Variants in FOXB2 observed in about 807,000 individuals in gnomAD.
FOXB2 encodes forkhead box B2, also known as forkhead box protein B2.
A neutral mutation model predicts 0.9 loss-of-function variants in FOXB2; 1 was observed. The ratio of observed to expected loss-of-function variants is 1.09; its 90% confidence interval spans 0.39 to 5.18. The LOEUF (loss-of-function observed/expected upper bound fraction) is 5.18, where lower values mean the gene tolerates loss of function less well. FOXB2 is among the 30% of genes most tolerant of loss of function. FOXB2 has a pLI of 0.16. For missense variants in FOXB2, 670 were observed against 626.6 expected, an observed-to-expected ratio of 1.07 and a Z score of -0.74; for synonymous variants, 322 against 293.5, an observed-to-expected ratio of 1.10 and a Z score of -0.99.
Position 77,020,677 on chromosome 9 carries a change from T to G in FOXB2, c.1023T>G (p.Tyr341Ter), listed in dbSNP as rs756817448. 1 of 1,603,404 alleles carries G rather than the reference T, an allele frequency of 6.2e-7. No homozygotes were observed. Among genetic ancestry groups the G allele is most frequent in the Non-Finnish European group, 8.5e-7 (1 of 1,176,324 alleles). ...CCGGAGTCCCTGTAGGCCCGGAGTA[T>G]GGGGCCTTCGGGGTCCCGGTCAAGT... ...AAAGVPVGPE[Y>*]GAFGVPVKSL... is the part of the protein sequence containing the mutation. The change falls in exon 1 of 1, where the codon TAT (tyrosine) becomes TAG (stop). Residue 341 changes from tyrosine to a stop codon, truncating the protein, a stop_gained. Coordinates refer to ENST00000376708, the MANE Select transcript of FOXB2 (RefSeq NM_001013735.1). LOFTEE classifies it low-confidence loss of function (END_TRUNC). This position sits in a 1 kb window ranked among gnomAD's most constrained non-coding sequence, Gnocchi z 4.9.
Position 77,020,293 on chromosome 9 carries a change from C to T in FOXB2, c.639C>T (p.His213=), listed in dbSNP as rs779653133. The part of the protein sequence containing the change: ...PQQSQPQQPS[H]PGKMQEAAAV... ...AGTCGCAGCCTCAGCAGCCGTCTCACCCCGGCAAGATGCAGGAGGCGGCGG... is the reference window on the plus strand; with the variant it reads ...AGTCGCAGCCTCAGCAGCCGTCTCATCCCGGCAAGATGCAGGAGGCGGCGG... Residue 213 remains histidine (H), a synonymous_variant, in exon 1 of 1, where the codon CAC becomes CAT. Transcript: ENST00000376708. This position sits in a 1 kb window ranked among gnomAD's most constrained non-coding sequence, Gnocchi z 4.9. The T allele has an allele frequency of 8.4e-6, 12 of 1,434,408 alleles. No individual in the cohort carries two copies. The highest frequency in any genetic ancestry group is 1.2e-5 in the South Asian group (1 of 82,356). The allele number at this position is 1,434,408 out of a possible 1,614,324, so 88.9% of individuals were successfully genotyped here. A position where few individuals can be genotyped will look rare whatever the true frequency, so the allele number is the denominator to read the frequency against.
chr9:77,020,836 A>G lies in FOXB2; in HGVS notation c.1182A>G (p.Pro394=). The change falls in exon 1 of 1, where the codon CCA becomes CCG. Residue 394 remains proline, a synonymous_variant. Coordinates refer to ENST00000376708, the MANE Select transcript of FOXB2 (RefSeq NM_001013735.1). The surrounding 1 kb of genome is among the most constrained non-coding windows in gnomAD (Gnocchi z 4.9). ...VPAASQQPPA[P]STVCSAAAAS... is the part of the protein sequence containing the mutation. ...CGGCTTCGCAGCAGCCTCCGGCGCC[A>G]TCCACCGTGTGCTCCGCGGCCGCGG... The G allele has an allele frequency of 3.2e-6, 5 of 1,549,458 alleles. No individual in the cohort carries two copies. Among genetic ancestry groups the G allele is most frequent in the Non-Finnish European group, 4.3e-6 (5 of 1,154,098 alleles).
chr9:77,020,758 C>T lies in FOXB2; in HGVS notation c.1104C>T (p.Pro368=), dbSNP rs761281141. The change falls in exon 1 of 1, where the codon CCC becomes CCT. Residue 368 remains proline (P), a synonymous_variant. Transcript: ENST00000376708. The surrounding 1 kb of genome is among the most constrained non-coding windows in gnomAD (Gnocchi z 4.9). ...SLPAMPVPIK[P]TPALPPVSAL... ...CTGCCATGCCGGTGCCCATCAAGCC[C>T]ACGCCTGCGCTGCCGCCCGTGTCCG... 1.6e-5 allele frequency: 26 copies of T among 1,592,242 alleles called. No homozygotes were observed. Among genetic ancestry groups the T allele is most frequent in the Non-Finnish European group, 2.0e-5 (24 of 1,173,338 alleles).
rs776602113 is a variant in FOXB2, at chr9:77,020,634, C to T, written c.980C>T (p.Ala327Val). 87 of 1,592,938 alleles carry T rather than the reference C, an allele frequency of 5.5e-5. No homozygotes were observed. The highest frequency in any genetic ancestry group is 7.2e-5 in the Non-Finnish European group (84 of 1,172,506). Reference protein sequence around the residue: ...VGVMDSVAAAAAAAAAAGVPV... With the variant: ...VGVMDSVAAAVAAAAAAGVPV... ...GTCATGGATTCGGTGGCCGCCGCCG[C>T]GGCCGCCGCAGCCGCAGCCGGAGTC... Residue 327 changes from alanine to valine, a missense_variant, in exon 1 of 1, where the codon GCG (alanine) becomes GTG (valine). Physicochemically the swap from Ala to Val is moderately conservative, Grantham distance 64. Transcript: ENST00000376708. This position sits in a 1 kb window ranked among gnomAD's most constrained non-coding sequence, Gnocchi z 4.9.
chr9:77,020,372 C>A lies in FOXB2; in HGVS notation c.718C>A (p.Arg240Ser). ...AAAAAVGSVG[R>S]LSQFPPYGLG... ...GGCAGCCGCGGTGGGCAGCGTGGGACGCCTGTCTCAGTTCCCACCCTACGG... is the reference window on the plus strand; with the variant it reads ...GGCAGCCGCGGTGGGCAGCGTGGGAAGCCTGTCTCAGTTCCCACCCTACGG... The change falls in exon 1 of 1, where the codon CGC becomes AGC. Residue 240 changes from arginine to serine, a missense_variant. By Grantham distance (110) the Arg-to-Ser change is moderately radical. Coordinates refer to ENST00000376708, the MANE Select transcript of FOXB2 (RefSeq NM_001013735.1). This position sits in a 1 kb window ranked among gnomAD's most constrained non-coding sequence, Gnocchi z 4.9. The A allele has an allele frequency of 7.0e-7, 1 of 1,436,536 alleles. No individual in the cohort carries two copies. Among genetic ancestry groups the A allele is most frequent in the Non-Finnish European group, 9.1e-7 (1 of 1,100,998 alleles). 89.0% of individuals were successfully genotyped at this position (1,436,536 alleles called of 1,614,324 possible).
chr9:77,020,223 C>T lies in FOXB2; in HGVS notation c.569C>T (p.Pro190Leu), dbSNP rs1264813256. 2 of 1,184,112 alleles carry T rather than the reference C, an allele frequency of 1.7e-6. No homozygotes were observed. Among genetic ancestry groups the T allele is most frequent in the African/African-American group, 1.5e-5 (1 of 66,594 alleles). 73.4% of individuals were successfully genotyped at this position (1,184,112 alleles called of 1,614,324 possible). ...FHQQPPTAPQ[P>L]PPHLPSQPPQ... ...CAGCAACCGCCTACTGCTCCGCAGC[C>T]GCCTCCGCACCTCCCGTCACAGCCC... is the stretch of plus-strand genomic sequence containing the variant. Residue 190 changes from proline (P) to leucine (L), a missense_variant, in exon 1 of 1, where the codon CCG (proline) becomes CTG (leucine). By Grantham distance (98) the Pro-to-Leu change is moderately conservative. Transcript: ENST00000376708. The surrounding 1 kb of genome is among the most constrained non-coding windows in gnomAD (Gnocchi z 4.9).
chr9:77,020,856 C>T lies in FOXB2; in HGVS notation c.1202C>T (p.Ala401Val). ...PPAPSTVCSA[A>V]AASPVASLLE... ...GCGCCATCCACCGTGTGCTCCGCGG[C>T]CGCGGCCTCGCCCGTTGCCTCTCTG... Residue 401 changes from alanine to valine, a missense_variant, in exon 1 of 1, where the codon GCC (alanine) becomes GTC (valine). Transcript: ENST00000376708. This position sits in a 1 kb window ranked among gnomAD's most constrained non-coding sequence, Gnocchi z 4.9. 6.5e-7 allele frequency: 1 copy of T among 1,548,580 alleles called. No individual in the cohort carries two copies. The highest frequency in any genetic ancestry group is 1.2e-5 in the South Asian group (1 of 85,122).
rs1310719152 is a variant in FOXB2, at chr9:77,020,309, G to A, written c.655G>A (p.Glu219Lys). 1.1e-5 allele frequency: 14 copies of A among 1,296,432 alleles called. No individual in the cohort carries two copies. The highest frequency in any genetic ancestry group is 9.2e-5 in the African/African-American group (6 of 64,918). The allele number at this position is 1,296,432 out of a possible 1,614,324, so 80.3% of individuals were successfully genotyped here. ...QQPSHPGKMQ[E>K]AAAVAAAAAA... ...GCCGTCTCACCCCGGCAAGATGCAG[G>A]AGGCGGCGGCCGTGGCGGCGGCGGC... Residue 219 changes from glutamate to lysine, a missense_variant, in exon 1 of 1, where the codon GAG (glutamate) becomes AAG (lysine). Glu to Lys is a moderately conservative substitution (Grantham distance 56, BLOSUM62 1). Transcript: ENST00000376708. The surrounding 1 kb of genome is among the most constrained non-coding windows in gnomAD (Gnocchi z 4.9).
Position 77,020,032 on chromosome 9 carries a change from C to G in FOXB2, c.378C>G (p.Ser126Arg). 6.2e-7 allele frequency: 1 copy of G among 1,608,688 alleles called. No homozygotes were observed. The highest frequency in any genetic ancestry group is 8.5e-7 in the Non-Finnish European group (1 of 1,178,600). The change falls in exon 1 of 1, where the codon AGC becomes AGG. Residue 126 changes from serine (S) to arginine (R), a missense_variant. By Grantham distance (110) the Ser-to-Arg change is moderately radical. Transcript: ENST00000376708. This position sits in a 1 kb window ranked among gnomAD's most constrained non-coding sequence, Gnocchi z 4.9. Reference sequence around the variant, plus strand: ...ACTTGCACGCGGGAAGCACCAAGAGCGCGCCGGGCGCCGGTCCGGGAGGGC... The same window carrying G: ...ACTTGCACGCGGGAAGCACCAAGAGGGCGCCGGGCGCCGGTCCGGGAGGGC... Reference protein sequence around the residue: ...HTHLHAGSTKSAPGAGPGGHL... With the variant: ...HTHLHAGSTKRAPGAGPGGHL...
chr9:77,020,837 T>C lies in FOXB2; in HGVS notation c.1183T>C (p.Ser395Pro). Reference protein sequence around the residue: ...PAASQQPPAPSTVCSAAAASP... With the variant: ...PAASQQPPAPPTVCSAAAASP... ...GGCTTCGCAGCAGCCTCCGGCGCCA[T>C]CCACCGTGTGCTCCGCGGCCGCGGC... Residue 395 changes from serine (S) to proline (P), a missense_variant, in exon 1 of 1, where the codon TCC becomes CCC. Physicochemically the swap from Ser to Pro is moderately conservative, Grantham distance 74 (BLOSUM62 -1). Coordinates refer to ENST00000376708, the MANE Select transcript of FOXB2 (RefSeq NM_001013735.1). The surrounding 1 kb of genome is among the most constrained non-coding windows in gnomAD (Gnocchi z 4.9). 1 of 1,549,468 alleles carries C rather than the reference T, an allele frequency of 6.5e-7. No homozygotes were observed. Among genetic ancestry groups the C allele is most frequent in the Non-Finnish European group, 8.7e-7 (1 of 1,154,104 alleles).
Position 77,020,074 on chromosome 9 carries a change from C to T in FOXB2, c.420C>T (p.His140=). ...AGPGGHLHPH[H]HHHPHHHHHH... ...CGGGAGGGCACCTTCACCCCCATCA[C>T]CACCACCACCCCCACCACCACCATC... is the stretch of plus-strand genomic sequence containing the variant. Residue 140 remains histidine, a synonymous_variant, in exon 1 of 1, where the codon CAC becomes CAT. Coordinates refer to ENST00000376708, the MANE Select transcript of FOXB2 (RefSeq NM_001013735.1). The surrounding 1 kb of genome is among the most constrained non-coding windows in gnomAD (Gnocchi z 4.9). 3 of 1,534,350 alleles carry T rather than the reference C, an allele frequency of 2.0e-6. No homozygotes were observed. The highest frequency in any genetic ancestry group is 1.2e-5 in the South Asian group (1 of 84,236).
In FOXB2 at chr9:77,020,533, C is replaced by T; in HGVS notation, c.879C>T (p.Ser293=). 5 of 1,610,854 alleles carry T rather than the reference C, an allele frequency of 3.1e-6. No homozygotes were observed. The highest frequency in any genetic ancestry group is 4.2e-6 in the Non-Finnish European group (5 of 1,179,190). The change falls in exon 1 of 1, where the codon TCC becomes TCT. Residue 293 remains serine, a synonymous_variant. Coordinates refer to ENST00000376708, the MANE Select transcript of FOXB2 (RefSeq NM_001013735.1). This position sits in a 1 kb window ranked among gnomAD's most constrained non-coding sequence, Gnocchi z 4.9. ...AGGCTGGAGGGCTGCCCTTGGCGTCCGTCATGCACCACCTGGGCTACCCCG... is the reference window on the plus strand; with the variant it reads ...AGGCTGGAGGGCTGCCCTTGGCGTCTGTCATGCACCACCTGGGCTACCCCG... ...VLQAGGLPLA[S]VMHHLGYPVP...
rs766927262 is a variant in FOXB2 at position 77,020,335 on chromosome 9, G to C, written c.681G>C (p.Ala227=). 3.3e-6 allele frequency: 4 copies of C among 1,216,954 alleles called. No individual in the cohort carries two copies. Among genetic ancestry groups the C allele is most frequent in the African/African-American group, 3.2e-5 (2 of 62,392 alleles). 75.4% of individuals were successfully genotyped at this position (1,216,954 alleles called of 1,614,324 possible). The change falls in exon 1 of 1, where the codon GCG becomes GCC. Residue 227 remains alanine (A), a synonymous_variant. Transcript: ENST00000376708. The surrounding 1 kb of genome is among the most constrained non-coding windows in gnomAD (Gnocchi z 4.9). ...MQEAAAVAAA[A]AAAAAAAVGS... is the part of the protein sequence containing the mutation. The stretch of plus-strand genomic sequence containing the variant: ...AGGCGGCGGCCGTGGCGGCGGCGGC[G>C]GCGGCGGCCGCGGCAGCCGCGGTGG...
In FOXB2 at chr9:77,020,949, C is replaced by T. The variant is rs2063916445; in HGVS notation, c.1295C>T (p.Ser432Phe). 1.3e-6 allele frequency: 2 copies of T among 1,563,882 alleles called. No homozygotes were observed. Among genetic ancestry groups the T allele is most frequent in the Non-Finnish European group, 1.7e-6 (2 of 1,162,918 alleles). ...GGSLHSVLVH[S>F] ...TCCTTGCACTCGGTGCTAGTGCACT[C>T]CTAGGGGACCCGGCGGGCGTGGGGA... Residue 432 changes from serine (S) to phenylalanine (F), a missense_variant, in exon 1 of 1, where the codon TCC becomes TTC. Physicochemically the swap from Ser to Phe is radical, Grantham distance 155. Coordinates refer to ENST00000376708, the MANE Select transcript of FOXB2 (RefSeq NM_001013735.1). This position sits in a 1 kb window ranked among gnomAD's most constrained non-coding sequence, Gnocchi z 4.9.
chr9:77,020,267 C>G lies in FOXB2; in HGVS notation c.613C>G (p.Gln205Glu). The change falls in exon 1 of 1, where the codon CAG becomes GAG. Residue 205 changes from glutamine to glutamate, a missense_variant. By Grantham distance (29) the Gln-to-Glu change is conservative. Coordinates refer to ENST00000376708, the MANE Select transcript of FOXB2 (RefSeq NM_001013735.1). The surrounding 1 kb of genome is among the most constrained non-coding windows in gnomAD (Gnocchi z 4.9). ...ACAGCCCCCGCAGCAACCGCCCCAG[C>G]AGTCGCAGCCTCAGCAGCCGTCTCA... ...PSQPPQQPPQ[Q>E]SQPQQPSHPG... is the part of the protein sequence containing the mutation. The G allele has an allele frequency of 7.4e-7, 1 of 1,345,244 alleles. No homozygotes were observed. The highest frequency in any genetic ancestry group is 1.2e-5 in the South Asian group (1 of 85,766). 83.3% of individuals were successfully genotyped at this position (1,345,244 alleles called of 1,614,324 possible). A position where few individuals can be genotyped will look rare whatever the true frequency, so the allele number is the denominator to read the frequency against.
chr9:77,020,217 C>G lies in FOXB2; in HGVS notation c.563C>G (p.Pro188Arg), dbSNP rs544997803. 1.3e-5 allele frequency: 16 copies of G among 1,186,722 alleles called. No individual in the cohort carries two copies. In the South Asian group the frequency reaches 1.8e-4, roughly 13 times the overall value. The allele number at this position is 1,186,722 out of a possible 1,614,324, so 73.5% of individuals were successfully genotyped here. Residue 188 changes from proline to arginine, a missense_variant, in exon 1 of 1, where the codon CCG becomes CGG. Pro to Arg is a moderately radical substitution (Grantham distance 103). Coordinates refer to ENST00000376708, the MANE Select transcript of FOXB2 (RefSeq NM_001013735.1). This position sits in a 1 kb window ranked among gnomAD's most constrained non-coding sequence, Gnocchi z 4.9. ...TTCCATCAGCAACCGCCTACTGCTC[C>G]GCAGCCGCCTCCGCACCTCCCGTCA... is the stretch of plus-strand genomic sequence containing the variant. Reference protein sequence around the residue: ...HYFHQQPPTAPQPPPHLPSQP... With the variant: ...HYFHQQPPTARQPPPHLPSQP...
Position 77,019,797 on chromosome 9 carries a change from C to T in FOXB2, c.143C>T (p.Pro48Leu). 1.2e-6 allele frequency: 2 copies of T among 1,614,128 alleles called. No homozygotes were observed. The highest frequency in any genetic ancestry group is 1.7e-6 in the Non-Finnish European group (2 of 1,180,028). ...DIYKFIMERF[P>L]YYREHTQRWQ... ...TACAAGTTCATCATGGAGCGCTTCC[C>T]CTACTACCGCGAGCACACACAGCGC... Residue 48 changes from proline to leucine, a missense_variant, in exon 1 of 1, where the codon CCC becomes CTC. Pro to Leu is a moderately conservative substitution (Grantham distance 98, BLOSUM62 -3). Transcript: ENST00000376708. The surrounding 1 kb of genome is among the most constrained non-coding windows in gnomAD (Gnocchi z 4.4).
Position 77,020,403 on chromosome 9 carries a change from G to A in FOXB2, c.749G>A (p.Gly250Asp), listed in dbSNP as rs1487882112. ...RLSQFPPYGL[G>D]SAAAAAAAAA... ...TCTCAGTTCCCACCCTACGGGCTGGGCTCGGCCGCCGCCGCTGCCGCCGCG... is the reference window on the plus strand; with the variant it reads ...TCTCAGTTCCCACCCTACGGGCTGGACTCGGCCGCCGCCGCTGCCGCCGCG... The change falls in exon 1 of 1, where the codon GGC becomes GAC. Residue 250 changes from glycine to aspartate, a missense_variant. By Grantham distance (94) the Gly-to-Asp change is moderately conservative. Coordinates refer to ENST00000376708, the MANE Select transcript of FOXB2 (RefSeq NM_001013735.1). The surrounding 1 kb of genome is among the most constrained non-coding windows in gnomAD (Gnocchi z 4.9). 6.3e-7 allele frequency: 1 copy of A among 1,581,610 alleles called. No individual in the cohort carries two copies. The highest frequency in any genetic ancestry group is 1.7e-5 in the Admixed American group (1 of 57,224).
Position 77,020,338 on chromosome 9 carries a change from G to A in FOXB2, c.684G>A (p.Ala228=). The part of the protein sequence containing the change: ...QEAAAVAAAA[A]AAAAAAVGSV... ...CGGCGGCCGTGGCGGCGGCGGCGGC[G>A]GCGGCCGCGGCAGCCGCGGTGGGCA... is the stretch of plus-strand genomic sequence containing the variant. Residue 228 remains alanine (A), a synonymous_variant, in exon 1 of 1, where the codon GCG becomes GCA. Transcript: ENST00000376708. This position sits in a 1 kb window ranked among gnomAD's most constrained non-coding sequence, Gnocchi z 4.9. 8.2e-7 allele frequency: 1 copy of A among 1,218,092 alleles called. No homozygotes were observed. Among genetic ancestry groups the A allele is most frequent in the Non-Finnish European group, 1.0e-6 (1 of 983,198 alleles). The allele number at this position is 1,218,092 out of a possible 1,614,324, so 75.5% of individuals were successfully genotyped here. A position where few individuals can be genotyped will look rare whatever the true frequency, so the allele number is the denominator to read the frequency against.
Sources: gnomAD v4.1 joint callset for allele counts on GRCh38, gnomAD v4.1.1 for gene constraint, Gnocchi (gnomAD v3.1) non-coding constraint, MANE v1.5 for transcripts, NCBI Gene and HGNC (gene_info 2026-07-23, HGNC 2026-07-21) for gene names.